Variants in SUMO3 observed in about 807,000 individuals in gnomAD.
SUMO3 encodes small ubiquitin-related modifier 3.
A neutral mutation model predicts 11.1 loss-of-function variants in SUMO3; 2 were observed. The ratio of observed to expected loss-of-function variants is 0.18; its 90% CI spans 0.07 to 0.57. The LOEUF (loss-of-function observed/expected upper bound fraction) is 0.57. Among genes scored for constraint, SUMO3 ranks in the 20% least tolerant of loss-of-function variants. SUMO3 has a pLI of 0.92. For missense variants in SUMO3, 70 were observed against 132.8 expected (o/e 0.53, Z 2.32); for synonymous variants, 56 against 53.5 (o/e 1.05, Z -0.20).
At chr21:44,808,441 A>G in intron 3 of SUMO3, 2 of 1,328,796 alleles carry the variant, frequency 1.5e-6, no homozygotes, top group Non-Finnish European at 2.0e-6. Context: ...TGAACTCAGG[A>G]GGCAGAGCTT....
intron 3 of SUMO3, among the ~76,000 whole-genome samples, chr21:44,808,812 G>A (rs1444765658): frequency 6.6e-6 from 1 of 152,222 alleles, no homozygotes; most frequent in Non-Finnish European, 1.5e-5. Flanking sequence ...CTTACAGTGA[G>A]GACGGGCCCA....
Position 44,807,152 on chromosome 21 carries a change from A to C in SUMO3, c.223-112T>G. The C allele has an allele frequency of 7.7e-7, 1 of 1,298,108 alleles. No homozygotes were observed. Among genetic ancestry groups the C allele is most frequent in the Non-Finnish European group, 1.1e-6 (1 of 943,482 alleles). 80.4% of individuals were successfully genotyped at this position (1,298,108 alleles called of 1,614,324 possible). Reference sequence around the variant, plus strand: ...AGTGTTCCCTGACACTAGCGACATCACCTGGTCACACCTTGGCTCTTGTCC... The same window carrying C: ...AGTGTTCCCTGACACTAGCGACATCCCCTGGTCACACCTTGGCTCTTGTCC... On this transcript the variant is annotated intron_variant, in intron 3 of 3. Transcript: ENST00000332859. The surrounding 1 kb of genome is among the most constrained non-coding windows in gnomAD (Gnocchi z 4.3).
intron 1 of SUMO3, among the ~76,000 whole-genome samples, chr21:44,817,717 G>C (rs965135236): frequency 8.0e-5 from 12 of 150,790 alleles, no homozygotes; most frequent in African/African-American, 2.9e-4. Context: ...CGGGCGTGGA[G>C]CGGAGGCGTG....
chr21:44,817,707 C>CGGGCGTGGAGCGG, intron 1 of SUMO3, among the ~76,000 whole-genome samples: 1 of 146,288 alleles, frequency 6.8e-6, no homozygotes, highest in South Asian at 2.2e-4. Context: ...GGGGAGGAGA[C>CGGGCGTGGAGCGG]GGGCGTGGAG....
rs2146419002 is a variant in SUMO3, at chr21:44,807,550, G to A, written c.223-510C>T. On this transcript the variant is annotated intron_variant, in intron 3 of 3. Coordinates refer to ENST00000332859, the MANE Select transcript of SUMO3 (RefSeq NM_006936.3). The surrounding 1 kb of genome is among the most constrained non-coding windows in gnomAD (Gnocchi z 4.3). ...CCCGCCCCTCCCCATTTAAAGCCCA[G>A]GCAAGGTAGTGAAACACCCCCGCTC... Among the ~76,000 whole-genome samples, 2 of 151,950 alleles carry A rather than the reference G, an allele frequency of 1.3e-5. No homozygotes were observed. Among genetic ancestry groups the A allele is most frequent in the Middle Eastern group, 3.4e-3 (1 of 292 alleles).
At position 44,805,714 on chromosome 21, in the gene SUMO3, AC is replaced by A. The variant is rs2083172064; in HGVS notation, c.*1236del. ...ACACAACAGAGCCAACAAACATCCC[AC>A]CCGAGCCCATACAGCAAACAGGAAA... On this transcript the variant is annotated 3_prime_UTR_variant, in exon 4 of 4. Coordinates refer to ENST00000332859, the MANE Select transcript of SUMO3 (RefSeq NM_006936.3). 1 of 152,552 alleles carries A rather than the reference AC, an allele frequency of 6.6e-6. No individual in the cohort carries two copies. The highest frequency in any genetic ancestry group is 1.5e-5 in the Non-Finnish European group (1 of 68,036). 9.4% of individuals were successfully genotyped at this position (152,552 alleles called of 1,614,324 possible).
chr21:44,812,677 CCACGGCTGAGCAGCCAGCCT>C, intron 2 of SUMO3, among the ~76,000 whole-genome samples: 1 of 152,334 alleles, frequency 6.6e-6, no homozygotes, highest in East Asian at 1.9e-4. Flanking sequence ...AGGCCCTGGA[CCACGGCTGAGCAGCCAGCCT>C]CACAAGCAGC....
chr21:44,811,724 G>A lies in SUMO3; in HGVS notation c.150+2252C>T, dbSNP rs2083213559. On this transcript the variant is annotated intron_variant, in intron 2 of 3. Transcript: ENST00000332859. The surrounding 1 kb of genome is among the most constrained non-coding windows in gnomAD (Gnocchi z 5.0). ...TGACCTCCCGGAAAGAAGCCCAAAT[G>A]CAACAATAAAGCCCAAAGCAAAATG... Among the ~76,000 whole-genome samples the A allele has an allele frequency of 6.6e-6, 1 of 152,120 alleles. No homozygotes were observed. The highest frequency in any genetic ancestry group is 1.5e-5 in the Non-Finnish European group (1 of 68,018).
At chr21:44,816,611 C>G (rs982995472) in intron 1 of SUMO3, among the ~76,000 whole-genome samples, 2 of 152,146 alleles carry the variant, frequency 1.3e-5, no homozygotes, top group Non-Finnish European at 2.9e-5. Context: ...ACATAGAGGC[C>G]GACAGTGCAC....
chr21:44,808,598 T>C, intron 3 of SUMO3: 4 of 1,372,688 alleles, frequency 2.9e-6, no homozygotes, highest in Non-Finnish European at 2.8e-6. Context: ...ATCTCATTCA[T>C]GTCTGCATGT....
chr21:44,808,666 A>G (rs2146420102), intron 3 of SUMO3: 17 of 1,373,246 alleles, frequency 1.2e-5, no homozygotes, highest in Non-Finnish European at 1.5e-5. Flanking sequence ...CATTCTGCCC[A>G]CCCACGTCAC....
chr21:44,806,081 C>CT lies in SUMO3; in HGVS notation c.*869dup, dbSNP rs1367234698. 6.6e-6 allele frequency: 1 copy of CT among 152,172 alleles called. No individual in the cohort carries two copies. The highest frequency in any genetic ancestry group is 1.5e-5 in the Non-Finnish European group (1 of 68,034). The allele number at this position is 152,172 out of a possible 1,614,324, so 9.4% of individuals were successfully genotyped here. A position where few individuals can be genotyped will look rare whatever the true frequency, so the allele number is the denominator to read the frequency against. On this transcript the variant is annotated 3_prime_UTR_variant, in exon 4 of 4. Transcript: ENST00000332859. Reference sequence around the variant, plus strand: ...GCAAATTCAGCAATACTTAGTCTTACTTTTTTATGTATAGACCATAATCAT... The same window carrying CT: ...GCAAATTCAGCAATACTTAGTCTTACTTTTTTTATGTATAGACCATAATCAT...
At chr21:44,808,509 C>A (rs187569757) in intron 3 of SUMO3, 1 of 1,436,204 alleles carries the variant, frequency 7.0e-7, no homozygotes, top group Non-Finnish European at 9.2e-7. Flanking sequence ...AGCGAGACTC[C>A]GTCTCAAAAA....
chr21:44,814,991 C>T (rs761553689), intron 1 of SUMO3, among the ~76,000 whole-genome samples: 2 of 152,216 alleles, frequency 1.3e-5, no homozygotes, highest in Admixed American at 6.5e-5. Context: ...ACCCCTCTGC[C>T]GGCCTGCACT....
At position 44,806,817 on chromosome 21, in the gene SUMO3, G is replaced by C. The variant is rs184681415; in HGVS notation, c.*134C>G. The C allele has an allele frequency of 7.8e-3, 11,425 of 1,463,756 alleles. 80 individuals carry two copies. Among genetic ancestry groups the C allele is most frequent in the Middle Eastern group, 0.012 (67 of 5,596 alleles). 90.7% of individuals were successfully genotyped at this position (1,463,756 alleles called of 1,614,324 possible). On this transcript the variant is annotated 3_prime_UTR_variant, in exon 4 of 4. Coordinates refer to ENST00000332859, the MANE Select transcript of SUMO3 (RefSeq NM_006936.3). ...GATATAGTTTTGAGTTGCACTTGAA[G>C]TACATCAAAGAGAGGAAAATCATCG...
chr21:44,808,796 G>A (rs558702606), intron 3 of SUMO3, among the ~76,000 whole-genome samples: 11 of 152,308 alleles, frequency 7.2e-5, no homozygotes, highest in African/African-American at 2.4e-4. Flanking sequence ...TTGCACCCCC[G>A]CTTCCCTTAC....
rs528995416 is a variant in SUMO3 at position 44,811,464 on chromosome 21, C to T, written c.151-2346G>A. Among the ~76,000 whole-genome samples the T allele has an allele frequency of 4.6e-5, 7 of 152,008 alleles. No homozygotes were observed. Among genetic ancestry groups the T allele is most frequent in the African/African-American group, 1.7e-4 (7 of 41,444 alleles). ...GCGTGTACCTGGAGTCCCACCTACT[C>T]GGGAGGCTGAGGTGGGAGGATCACT... On this transcript the variant is annotated intron_variant, in intron 2 of 3. Coordinates refer to ENST00000332859, the MANE Select transcript of SUMO3 (RefSeq NM_006936.3). The surrounding 1 kb of genome is among the most constrained non-coding windows in gnomAD (Gnocchi z 5.0).
rs901920567 is a variant in SUMO3 at position 44,807,931 on chromosome 21, G to A, written c.223-891C>T. Among the ~76,000 whole-genome samples, 14 of 152,344 alleles carry A rather than the reference G, an allele frequency of 9.2e-5. No homozygotes were observed. The highest frequency in any genetic ancestry group is 4.1e-4 in the South Asian group (2 of 4,830). ...CTCCCAGAGCTGCCACTGCCTCAGCGGTGTGTAGGTTTCCTCAAGTAGGTA... is the reference window on the plus strand; with the variant it reads ...CTCCCAGAGCTGCCACTGCCTCAGCAGTGTGTAGGTTTCCTCAAGTAGGTA... On this transcript the variant is annotated intron_variant, in intron 3 of 3. Coordinates refer to ENST00000332859, the MANE Select transcript of SUMO3 (RefSeq NM_006936.3). This position sits in a 1 kb window ranked among gnomAD's most constrained non-coding sequence, Gnocchi z 4.3.
chr21:44,814,604 T>C (rs752881136), intron 1 of SUMO3, among the ~76,000 whole-genome samples: 25 of 152,260 alleles, frequency 1.6e-4, no homozygotes, highest in Non-Finnish European at 3.1e-4. Context: ...ACAGCACTAG[T>C]AAAAGAAACC....
Sources: gnomAD v4.1 joint callset for allele counts (sites outside exome capture counted in the v4.1 genomes callset) on GRCh38, gnomAD v4.1.1 for gene constraint, Gnocchi (gnomAD v3.1) non-coding constraint, MANE v1.5 for transcripts, NCBI Gene and HGNC (gene_info 2026-07-23, HGNC 2026-07-21) for gene names.